SEPTIN6: variants seen among roughly 807,000 people sequenced by gnomAD.
The protein encoded by SEPTIN6 is septin-6.
SEPTIN6 carries 8 observed loss-of-function variants against 33.6 expected under a neutral mutation model. The observed-to-expected ratio is 0.24, with a 90% CI of 0.14 to 0.43. The LOEUF is 0.43. Ranked by LOEUF, SEPTIN6 falls within the 20% of genes least tolerant of loss-of-function variation. The pLI is 1.00. For missense variants in SEPTIN6, 250 were observed against 340.8 expected (o/e 0.73, Z 2.10); for synonymous variants, 131 against 140.0 (o/e 0.94, Z 0.45).
At chrX:119,684,745 T>C (rs6646448) in intron 1 of SEPTIN6, among the ~76,000 whole-genome samples, 19,453 of 110,280 alleles carry the variant, frequency 0.18, 1,751 homozygotes, top group East Asian at 0.49. Context: ...CCCGCCTCAG[T>C]CTCCTAAAGT....
chrX:119,627,839 G>A (rs1034181811), intron 9 of SEPTIN6, among the ~76,000 whole-genome samples: 12 of 81,353 alleles, frequency 1.5e-4, no homozygotes, highest in African/African-American at 3.5e-4. Context: ...TCAATCTGTC[G>A]CCCAGGCTGG....
At chrX:119,675,753 C>T (rs1053610233) in intron 1 of SEPTIN6, 85 bp from the exon 2 acceptor site, 4 of 520,682 alleles carry the variant, frequency 7.7e-6, no homozygotes, top group Non-Finnish European at 8.6e-6. Flanking sequence ...GTTCGCTGTG[C>T]AAGGAAGTCA....
At chrX:119,658,148 G>A (rs1033753720) in intron 3 of SEPTIN6, among the ~76,000 whole-genome samples, 1 of 111,734 alleles carries the variant, frequency 8.9e-6, no homozygotes, top group African/African-American at 3.3e-5. Flanking sequence ...AAAGAATACC[G>A]ATTCTTCCTT....
Position 119,625,344 on chromosome X carries a change from G to A in SEPTIN6, c.*32C>T. 4 of 1,204,082 alleles carry A rather than the reference G, an allele frequency of 3.3e-6. No homozygotes were observed. Among genetic ancestry groups the A allele is most frequent in the Non-Finnish European group, 4.5e-6 (4 of 888,641 alleles). On this transcript the variant is annotated 3_prime_UTR_variant, in exon 10 of 11. Transcript: ENST00000394610. ...AGTTAATCAAGCTTACCAGGACCCTGGGTCTCATGCAGCATGCAGCAAACA... is the reference window on the plus strand; with the variant it reads ...AGTTAATCAAGCTTACCAGGACCCTAGGTCTCATGCAGCATGCAGCAAACA...
At chrX:119,642,550 T>C (rs750435257) in intron 5 of SEPTIN6, among the ~76,000 whole-genome samples, 3 of 108,603 alleles carry the variant, frequency 2.8e-5, no homozygotes, top group South Asian at 8.0e-4. Context: ...ATTTAGGGGG[T>C]TCAAGCAGTA....
intron 3 of SEPTIN6, among the ~76,000 whole-genome samples, chrX:119,657,355 T>C (rs1436976117): frequency 9.0e-6 from 1 of 111,173 alleles, no homozygotes; most frequent in Non-Finnish European, 1.9e-5. Flanking sequence ...GTTCTCAGTC[T>C]TGTCAATTCT....
rs1365510754 is a variant in SEPTIN6, at chrX:119,618,899, T to G, written c.*1194A>C. The G allele has an allele frequency of 7.9e-6, 9 of 1,145,448 alleles. No individual in the cohort carries two copies. The highest frequency in any genetic ancestry group is 1.0e-5 in the Non-Finnish European group (9 of 862,403). 94.4% of individuals were successfully genotyped at this position (1,145,448 alleles called of 1,213,427 possible). A position where few individuals can be genotyped will look rare whatever the true frequency, so the allele number is the denominator to read the frequency against. ...CAAAGGCCACTGTGCCTCATAACCC[T>G]GACAAGGGAGGGCTCTCTACTTCAC... On this transcript the variant is annotated 3_prime_UTR_variant, in exon 11 of 11. Transcript: ENST00000394610.
chrX:119,616,306 C>T (rs937159882), downstream of SEPTIN6: 1 of 310,369 alleles, frequency 3.2e-6, no homozygotes, highest in African/African-American at 2.6e-5. Flanking sequence ...GACAGTCAAC[C>T]CATCGAACCA....
intron 8 of SEPTIN6, among the ~76,000 whole-genome samples, chrX:119,631,527 C>T (rs1222570847): frequency 3.6e-5 from 4 of 111,052 alleles, no homozygotes; most frequent in African/African-American, 1.3e-4. Flanking sequence ...ATTGCCTTAA[C>T]CTGGTTTTTG....
At chrX:119,630,148 A>G (rs2053935890) in intron 8 of SEPTIN6, among the ~76,000 whole-genome samples, 1 of 112,253 alleles carries the variant, frequency 8.9e-6, no homozygotes, top group African/African-American at 3.2e-5. Context: ...TTACCGAGTA[A>G]TTACAGGCTA....
Position 119,678,506 on chromosome X carries a change from G to A in SEPTIN6, c.31-2838C>T, listed in dbSNP as rs771133456. Among the ~76,000 whole-genome samples the A allele has an allele frequency of 2.8e-5, 3 of 106,331 alleles. No homozygotes were observed. In the Admixed American group the frequency reaches 3.0e-4, roughly 11 times the overall value. The allele number at this position is 106,331 out of a possible 115,157, so 92.3% of individuals were successfully genotyped here. ...CTGCACCCAGCCTGGGCGACAGAGC[G>A]AGACTCCGTCTCAAAAAAAAAAAAA... On this transcript the variant is annotated intron_variant, in intron 1 of 10. Transcript: ENST00000394610.
At chrX:119,629,911 G>A (rs1025637142) in intron 8 of SEPTIN6, among the ~76,000 whole-genome samples, 5 of 111,374 alleles carry the variant, frequency 4.5e-5, no homozygotes, top group African/African-American at 1.3e-4. Context: ...CTTGAGGTCA[G>A]GTGTTCGACA....
intron 10 of SEPTIN6, among the ~76,000 whole-genome samples, chrX:119,620,766 G>A (rs1223727227): frequency 9.1e-6 from 1 of 110,110 alleles, no homozygotes; most frequent in African/African-American, 3.3e-5. Context: ...GATTACAGGC[G>A]CCTGCCACCA....
intron 4 of SEPTIN6, among the ~76,000 whole-genome samples, chrX:119,652,348 T>A (rs1364046318): frequency 1.8e-5 from 2 of 111,734 alleles, no homozygotes; most frequent in African/African-American, 3.3e-5. Context: ...TAGCTAGCAA[T>A]ATGACAATGA....
chrX:119,665,483 G>A (rs1309077473), intron 2 of SEPTIN6, among the ~76,000 whole-genome samples: 2 of 111,865 alleles, frequency 1.8e-5, no homozygotes, highest in Non-Finnish European at 3.8e-5. Flanking sequence ...TCAAACTGTT[G>A]GAATTTTAAA....
chrX:119,670,911 C>A lies in SEPTIN6; in HGVS notation c.145+4643G>T, dbSNP rs1190172654. Among the ~76,000 whole-genome samples the A allele has an allele frequency of 2.9e-5, 3 of 103,878 alleles. No individual in the cohort carries two copies. The East Asian group carries it at 9.4e-4, about 32-fold the overall frequency. 90.2% of individuals were successfully genotyped at this position (103,878 alleles called of 115,157 possible). ...CAAGATCGTGCCATCGCACTCCAGC[C>A]TGGGTGACAAGAGCGAAACTCCATC... On this transcript the variant is annotated intron_variant, in intron 2 of 10. Coordinates refer to ENST00000394610, the MANE Select transcript of SEPTIN6 (RefSeq NM_145799.4).
chrX:119,673,194 G>T (rs781274489), intron 2 of SEPTIN6, among the ~76,000 whole-genome samples: 2 of 111,196 alleles, frequency 1.8e-5, no homozygotes, highest in African/African-American at 6.5e-5. Flanking sequence ...AACACAGTGA[G>T]ACCTCACCTC....
At chrX:119,620,319 C>CTT (rs11374271) in intron 10 of SEPTIN6, among the ~76,000 whole-genome samples, 4 of 95,879 alleles carry the variant, frequency 4.2e-5, no homozygotes, top group African/African-American at 1.1e-4. Context: ...ATCTTTCTTT[C>CTT]TTTTTTTTTT....
At chrX:119,637,617 C>G (rs1169053776) in intron 6 of SEPTIN6, among the ~76,000 whole-genome samples, 7 of 106,290 alleles carry the variant, frequency 6.6e-5, no homozygotes, top group Admixed American at 5.2e-4. Flanking sequence ...ATCCATCCAT[C>G]TATCCATCCA....
Sources: gnomAD v4.1 joint callset for allele counts (sites outside exome capture counted in the v4.1 genomes callset) on GRCh38, gnomAD v4.1.1 for gene constraint, MANE v1.5 for transcripts, NCBI Gene and HGNC (gene_info 2026-07-23, HGNC 2026-07-21) for gene names.